GNAL: variants seen among roughly 807,000 people sequenced by gnomAD.
GNAL encodes the protein guanine nucleotide-binding protein G(olf) subunit alpha.
In GNAL, 18 loss-of-function variants were observed where a neutral mutation model predicts 55.1. The ratio of observed to expected loss-of-function variants is 0.33; its 90% CI spans 0.23 to 0.48. The LOEUF is 0.48. GNAL is among the 20% of genes least tolerant of loss of function. The pLI is 0.99. For synonymous variants in GNAL, 253 were observed against 237.0 expected, an observed-to-expected ratio of 1.07 and a Z score of -0.62; for missense variants, 412 against 614.1, an observed-to-expected ratio of 0.67 and a Z score of 3.48.
At chr18:11,836,234 G>A (rs2035495663) in intron 5 of GNAL, among the ~76,000 whole-genome samples, 1 of 152,048 alleles carries the variant, frequency 6.6e-6, no homozygotes, top group Non-Finnish European at 1.5e-5. Flanking sequence ...ATCCCCTGAG[G>A]TTGGGAGGTC....
chr18:11,842,077 A>G (rs1240658492), intron 5 of GNAL, among the ~76,000 whole-genome samples: 3 of 152,000 alleles, frequency 2.0e-5, no homozygotes, highest in Admixed American at 1.3e-4. Flanking sequence ...GGTTCAAGCA[A>G]TTCTCCTGCC....
chr18:11,852,315 C>T (rs987674080), intron 5 of GNAL: 2 of 595,324 alleles, frequency 3.4e-6, no homozygotes, highest in Non-Finnish European at 5.9e-6. Context: ...TTCTGTATAG[C>T]TCGTAATGAT....
chr18:11,796,143 C>G (rs576963558), intron 4 of GNAL, among the ~76,000 whole-genome samples: 75 of 152,242 alleles, frequency 4.9e-4, no homozygotes, highest in African/African-American at 1.7e-3. Context: ...TACAGAATGG[C>G]ATAGTAAGCA....
chr18:11,787,610 C>T (rs926707076), intron 4 of GNAL, among the ~76,000 whole-genome samples: 20 of 152,192 alleles, frequency 1.3e-4, no homozygotes, highest in African/African-American at 7.2e-5. Context: ...CGGTGGCCCA[C>T]GCCTGTGTAA....
intron 1 of GNAL, chr18:11,746,044 G>A: frequency 2.7e-6 from 1 of 363,982 alleles, no homozygotes; most frequent in Non-Finnish European, 5.5e-6. Context: ...AACAGAAGAT[G>A]GATTTTGGTT....
rs9955544 is a variant in GNAL, at chr18:11,793,879, T to A, written c.625-31039T>A. On this transcript the variant is annotated intron_variant, in intron 4 of 11. Coordinates refer to ENST00000334049, the MANE Select transcript of GNAL (RefSeq NM_182978.4). ...GAGCCGAGATTGCACGCCACTGCAC[T>A]CCAGCCTGGCGACAGTGAGACTCCA... is the stretch of plus-strand genomic sequence containing the variant. Among the ~76,000 whole-genome samples, 284 of 135,588 alleles carry A rather than the reference T, an allele frequency of 2.1e-3. 1 individual carries two copies. Among genetic ancestry groups the A allele is most frequent in the African/African-American group, 7.8e-3 (274 of 35,152 alleles). 89.0% of individuals were successfully genotyped at this position (135,588 alleles called of 152,430 possible). A position where few individuals can be genotyped will look rare whatever the true frequency, so the allele number is the denominator to read the frequency against.
chr18:11,867,308 A>T, intron 8 of GNAL, 82 bp downstream of exon 8: 2 of 835,638 alleles, frequency 2.4e-6, no homozygotes, highest in Non-Finnish European at 4.1e-6. Flanking sequence ...CTTGAATTAG[A>T]TAATCTCTAA....
intron 1 of GNAL, among the ~76,000 whole-genome samples, chr18:11,729,754 GT>G (rs991909626): frequency 6.6e-6 from 1 of 152,128 alleles, no homozygotes; most frequent in African/African-American, 2.4e-5. Context: ...TAATAAAGAG[GT>G]TTATTCTGAG....
intron 5 of GNAL, among the ~76,000 whole-genome samples, chr18:11,825,660 G>A (rs960642260): frequency 6.6e-5 from 10 of 151,066 alleles, no homozygotes; most frequent in African/African-American, 2.4e-4. Context: ...GAACCTGGGA[G>A]GCGGAGGTTG....
chr18:11,765,036 A>C (rs1032649783), intron 4 of GNAL, among the ~76,000 whole-genome samples: 1 of 152,190 alleles, frequency 6.6e-6, no homozygotes, highest in African/African-American at 2.4e-5. Context: ...TGATGAAAAA[A>C]CAATTAGAAA....
chr18:11,768,969 T>TAA (rs1555648428), intron 4 of GNAL, among the ~76,000 whole-genome samples: 2 of 81,652 alleles, frequency 2.4e-5, no homozygotes, highest in Non-Finnish European at 4.5e-5. Flanking sequence ...ATATAATATA[T>TAA]TATATATATT....
At chr18:11,697,921 T>C (rs2031460012) in intron 1 of GNAL, among the ~76,000 whole-genome samples, 1 of 152,066 alleles carries the variant, frequency 6.6e-6, no homozygotes, top group African/African-American at 2.4e-5. Flanking sequence ...GAGCCAGAGA[T>C]GGATGTGTCA....
At chr18:11,782,242 G>T (rs951622163) in intron 4 of GNAL, among the ~76,000 whole-genome samples, 2 of 152,152 alleles carry the variant, frequency 1.3e-5, no homozygotes, top group Non-Finnish European at 2.9e-5. Flanking sequence ...ACTTGATCCA[G>T]GGAGGCGGAG....
Position 11,873,708 on chromosome 18 carries a change from A to G in GNAL, c.1162+1310A>G, listed in dbSNP as rs74455638. On this transcript the variant is annotated intron_variant, in intron 10 of 11. Transcript: ENST00000334049. The stretch of plus-strand genomic sequence containing the variant: ...GACTGAGGCCGGGTGCCGCTTGCCC[A>G]TGGCACATCATCAGAGCATGGCTTC... Among the ~76,000 whole-genome samples the G allele has an allele frequency of 7.9e-3, 1,200 of 152,344 alleles. 7 individuals are homozygous for G. The highest frequency in any genetic ancestry group is 0.031 in the Middle Eastern group (9 of 294).
intron 1 of GNAL, chr18:11,745,608 A>G (rs1392301251): frequency 6.5e-6 from 1 of 152,710 alleles, no homozygotes; most frequent in East Asian, 1.9e-4. Flanking sequence ...ATCAGAGCCC[A>G]TGGCTTCACA....
intron 1 of GNAL, among the ~76,000 whole-genome samples, chr18:11,733,715 G>A (rs1046397870): frequency 2.6e-5 from 4 of 152,062 alleles, no homozygotes; most frequent in Admixed American, 6.6e-5. Flanking sequence ...GTGTGCACGC[G>A]GACACAGGAG....
At chr18:11,856,062 CTA>C (rs72351783) in intron 5 of GNAL, among the ~76,000 whole-genome samples, 2,056 of 151,394 alleles carry the variant, frequency 0.014, 152 homozygotes, top group African/African-American at 0.046. Flanking sequence ...GCCAAGCACA[CTA>C]TAAAGCAGAA....
chr18:11,745,035 C>A (rs549392893), intron 1 of GNAL, among the ~76,000 whole-genome samples: 1 of 152,306 alleles, frequency 6.6e-6, no homozygotes, highest in Admixed American at 6.5e-5. Flanking sequence ...TGTACCTGTT[C>A]CAGAAGTCTT....
chr18:11,841,036 C>A (rs1598420387), intron 5 of GNAL, among the ~76,000 whole-genome samples: 1 of 151,910 alleles, frequency 6.6e-6, no homozygotes, highest in Non-Finnish European at 1.5e-5. Flanking sequence ...CGATGCCCAG[C>A]TAATTTTTTG....
Sources: gnomAD v4.1 joint callset for allele counts (sites outside exome capture counted in the v4.1 genomes callset) on GRCh38, gnomAD v4.1.1 for gene constraint, MANE v1.5 for transcripts, NCBI Gene and HGNC (gene_info 2026-07-23, HGNC 2026-07-21) for gene names.